The following SLC17A3 variants were observed in gnomAD, a reference collection of about 807,000 sequenced individuals.
The protein encoded by SLC17A3 is solute carrier family 17 member 3.
SLC17A3 carries 61 observed loss-of-function variants against 60.3 expected under a neutral mutation model. That is an observed-to-expected ratio of 1.01 (90% confidence interval 0.82 to 1.25). The LOEUF (loss-of-function observed/expected upper bound fraction) is 1.25, where lower values mean the gene tolerates loss of function less well. SLC17A3 is among the 50% of genes most tolerant of loss of function. SLC17A3 has a pLI of 0.00. For synonymous variants in SLC17A3, 192 were observed against 208.9 expected (o/e 0.92, Z 0.70); for missense variants, 624 against 594.9 (o/e 1.05, Z -0.51).
At position 25,849,462 on chromosome 6, in the gene SLC17A3, T is replaced by C. The variant is rs1765233462; in HGVS notation, c.1274A>G (p.Tyr425Cys). 3.8e-6 allele frequency: 6 copies of C among 1,599,524 alleles called. No homozygotes were observed. The highest frequency in any genetic ancestry group is 1.1e-5 in the South Asian group (1 of 90,774). The change falls in exon 11 of 13, where the codon TAT becomes TGT. Residue 425 changes from tyrosine (Y) to cysteine (C), a missense_variant and splice_region_variant. By Grantham distance (194) the Tyr-to-Cys change is radical. Coordinates refer to ENST00000397060, the MANE Select transcript of SLC17A3 (RefSeq NM_001098486.2). ...TGATGCTCCCATGAGAAAACTGGAA[T>C]ACCTGTGGGTGACAGGAATGTTCCG... is the stretch of plus-strand genomic sequence containing the variant. ...YINVLDIAPR[Y>C]SSFLMGASRG...
At chr6:25,857,724 C>A (rs1400613281) in intron 5 of SLC17A3, among the ~76,000 whole-genome samples, 1 of 152,084 alleles carries the variant, frequency 6.6e-6, no homozygotes, top group Non-Finnish European at 1.5e-5. Context: ...ACTGCCTGAC[C>A]CCAGGCCACA....
intron 2 of SLC17A3, 33 bp downstream of exon 2, chr6:25,868,264 A>C (rs1483497924): frequency 9.3e-6 from 14 of 1,502,298 alleles, no homozygotes; most frequent in East Asian, 9.0e-5. Flanking sequence ...TCACTGTAAA[A>C]TCCTAAAACC....
At chr6:25,873,431 G>A (rs976050406) in intron 1 of SLC17A3, among the ~76,000 whole-genome samples, 1 of 152,084 alleles carries the variant, frequency 6.6e-6, no homozygotes, top group Non-Finnish European at 1.5e-5. Flanking sequence ...AAGGCAGGGA[G>A]TGTTCTAACA....
chr6:25,855,623 C>A (rs1199192944), intron 5 of SLC17A3, among the ~76,000 whole-genome samples: 3 of 152,072 alleles, frequency 2.0e-5, no homozygotes, highest in Non-Finnish European at 4.4e-5. Context: ...AATTGCATAC[C>A]TTTTCTTTTC....
intron 5 of SLC17A3, among the ~76,000 whole-genome samples, chr6:25,860,544 C>T (rs1765429942): frequency 6.6e-6 from 1 of 152,114 alleles, no homozygotes; most frequent in Non-Finnish European, 1.5e-5. Context: ...TGGGTGTCTT[C>T]AGACAATCAT....
chr6:25,862,086 C>T (rs1391085659), intron 3 of SLC17A3, 57 bp from the exon 4 acceptor site: 10 of 1,454,450 alleles, frequency 6.9e-6, no homozygotes, highest in Non-Finnish European at 9.4e-6. Flanking sequence ...CTTACATACC[C>T]TAGAAAGCTC....
chr6:25,866,983 C>T (rs530017019), intron 2 of SLC17A3, among the ~76,000 whole-genome samples: 38 of 152,070 alleles, frequency 2.5e-4, no homozygotes, highest in African/African-American at 9.2e-4. Flanking sequence ...TCCACTAAAA[C>T]TCAATTGATC....
At chr6:25,866,061 T>C (rs1450644593) in intron 2 of SLC17A3, among the ~76,000 whole-genome samples, 1 of 152,014 alleles carries the variant, frequency 6.6e-6, no homozygotes, top group African/African-American at 2.4e-5. Flanking sequence ...CATGGTATCC[T>C]CACTTTTATC....
At chr6:25,863,481 A>G (rs776481080) in intron 2 of SLC17A3, among the ~76,000 whole-genome samples, 1 of 152,006 alleles carries the variant, frequency 6.6e-6, no homozygotes, top group African/African-American at 2.4e-5. Flanking sequence ...GCTCTTTGGA[A>G]CTCTCTCCAA....
At chr6:25,865,396 A>G (rs937787901) in intron 2 of SLC17A3, among the ~76,000 whole-genome samples, 3 of 151,996 alleles carry the variant, frequency 2.0e-5, no homozygotes, top group African/African-American at 7.2e-5. Context: ...TAACTGAAAC[A>G]TAGTATCTTT....
intron 1 of SLC17A3, among the ~76,000 whole-genome samples, chr6:25,872,962 T>C (rs62394299): frequency 0.08 from 12,197 of 152,068 alleles, 630 homozygotes; most frequent in South Asian, 0.11. Flanking sequence ...TCACATCTTC[T>C]CCTGCCAGCA....
At chr6:25,850,922 T>G (rs748509868) in intron 6 of SLC17A3, 45 bp from the exon 7 acceptor site, 1 of 1,412,874 alleles carries the variant, frequency 7.1e-7, no homozygotes, top group African/African-American at 1.4e-5. Context: ...TTTTCTGCTT[T>G]TTGGGTGAAC....
chr6:25,846,349 G>C (rs1428758712), intron 11 of SLC17A3, among the ~76,000 whole-genome samples: 1 of 152,112 alleles, frequency 6.6e-6, no homozygotes, highest in Non-Finnish European at 1.5e-5. Context: ...AAGTACAATA[G>C]ATAATTTGTG....
chr6:25,861,738 A>G, intron 4 of SLC17A3, 27 bp from the exon 5 acceptor site: 1 of 1,611,164 alleles, frequency 6.2e-7, no homozygotes, highest in Non-Finnish European at 8.5e-7. Context: ...TAGAGTTCTT[A>G]ATGTGTGGTG....
intron 6 of SLC17A3, 58 bp downstream of exon 6, chr6:25,855,085 CT>C (rs372318796): frequency 1.8e-6 from 2 of 1,083,776 alleles, no homozygotes; most frequent in African/African-American, 1.5e-5. Context: ...ACAAAATATA[CT>C]TACTGAGGAG....
At chr6:25,867,220 T>C (rs1483338413) in intron 2 of SLC17A3, among the ~76,000 whole-genome samples, 1 of 151,996 alleles carries the variant, frequency 6.6e-6, no homozygotes, top group African/African-American at 2.4e-5. Flanking sequence ...TAAGAGCTAA[T>C]TCCATGTGGT....
At chr6:25,849,176 AT>A (rs2151518812) in intron 11 of SLC17A3, among the ~76,000 whole-genome samples, 197 bp downstream of exon 11, 1 of 152,334 alleles carries the variant, frequency 6.6e-6, no homozygotes, top group African/African-American at 2.4e-5. Flanking sequence ...AGCAATCACT[AT>A]TTAGTTCTTT....
At chr6:25,849,550 C>A in intron 10 of SLC17A3, 86 bp from the exon 11 acceptor site, 2 of 838,286 alleles carry the variant, frequency 2.4e-6, no homozygotes, top group South Asian at 2.9e-5. Context: ...ATCTATAACT[C>A]AATTATATTT....
intron 2 of SLC17A3, among the ~76,000 whole-genome samples, 189 bp downstream of exon 2, chr6:25,868,108 A>T (rs745607191): frequency 6.6e-6 from 1 of 151,988 alleles, no homozygotes; most frequent in Non-Finnish European, 1.5e-5. Flanking sequence ...TTGAAAGATA[A>T]CTGTCAAAAA....
Sources: gnomAD v4.1 joint callset for allele counts (sites outside exome capture counted in the v4.1 genomes callset) on GRCh38, gnomAD v4.1.1 for gene constraint, MANE v1.5 for transcripts, NCBI Gene and HGNC (gene_info 2026-07-23, HGNC 2026-07-21) for gene names.